Variants in KCNC2 observed in about 807,000 individuals in gnomAD.
KCNC2 encodes potassium voltage-gated channel subfamily C member 2.
Under a neutral mutation model 44.5 loss-of-function variants are expected in KCNC2, and 21 were observed. The observed-to-expected ratio is 0.47, with a 90% CI of 0.33 to 0.68. The LOEUF (loss-of-function observed/expected upper bound fraction) is 0.68, where lower values mean the gene tolerates loss of function less well. Ranked by LOEUF, KCNC2 falls within the 30% of genes least tolerant of loss-of-function variation. KCNC2 has a pLI of 0.01. For missense variants in KCNC2, 589 were observed against 826.2 expected (o/e 0.71, Z 3.52); for synonymous variants, 391 against 339.1 (o/e 1.15, Z -1.68).
chr12:75,119,861 T>C (rs1032899613), intron 2 of KCNC2, among the ~76,000 whole-genome samples: 1 of 152,168 alleles, frequency 6.6e-6, no homozygotes, highest in Non-Finnish European at 1.5e-5. Flanking sequence ...AGTAACTAAA[T>C]ACATGGTAGT....
At chr12:75,196,979 T>C (rs895454878) in intron 2 of KCNC2, among the ~76,000 whole-genome samples, 2 of 152,052 alleles carry the variant, frequency 1.3e-5, no homozygotes, top group Non-Finnish European at 2.9e-5. Context: ...TCTGCAGTTG[T>C]AGCACAATAC....
At chr12:75,120,609 G>A (rs1425580663) in intron 2 of KCNC2, among the ~76,000 whole-genome samples, 1 of 152,158 alleles carries the variant, frequency 6.6e-6, no homozygotes, top group Non-Finnish European at 1.5e-5. Context: ...TCCTGTCCCT[G>A]ACACAGAAGT....
At chr12:75,188,588 G>A (rs1369585351) in intron 2 of KCNC2, among the ~76,000 whole-genome samples, 6 of 131,476 alleles carry the variant, frequency 4.6e-5, no homozygotes, top group African/African-American at 1.8e-4. Context: ...GTGGCCGGGC[G>A]CGGTGGCTTA....
intron 2 of KCNC2, among the ~76,000 whole-genome samples, chr12:75,117,497 T>C (rs1887752674): frequency 1.3e-5 from 2 of 152,188 alleles, no homozygotes; most frequent in South Asian, 4.1e-4. Context: ...AGTCAAAAGC[T>C]ATTTTTCCAC....
chr12:75,123,326 T>A (rs1888172711), intron 2 of KCNC2, among the ~76,000 whole-genome samples: 1 of 152,198 alleles, frequency 6.6e-6, no homozygotes, highest in Non-Finnish European at 1.5e-5. Flanking sequence ...TGAAACCAGT[T>A]CTATTCTTAA....
rs141932065 is a variant in KCNC2 at position 75,076,637 on chromosome 12, A to G, written c.688-25320T>C. Reference sequence around the variant, plus strand: ...TGTCTTTATAATAAATAGTACCATTATTATTAGGTATTGTCAATAAGATGC... The same window carrying G: ...TGTCTTTATAATAAATAGTACCATTGTTATTAGGTATTGTCAATAAGATGC... On this transcript the variant is annotated intron_variant, in intron 2 of 4. Coordinates refer to ENST00000549446, the MANE Select transcript of KCNC2 (RefSeq NM_139137.4). Among the ~76,000 whole-genome samples, 866 of 152,268 alleles carry G rather than the reference A, an allele frequency of 5.7e-3. 5 individuals carry two copies. Among genetic ancestry groups the G allele is most frequent in the African/African-American group, 0.018 (733 of 41,562 alleles).
At position 75,040,928 on chromosome 12, in the gene KCNC2, T is replaced by G. The variant is rs1879823399; in HGVS notation, c.*2177A>C. ...TTTGATGAGAAATGGCCAAGACTGTTGACCCATGCACACATGTTGGTATTT... is the reference window on the plus strand; with the variant it reads ...TTTGATGAGAAATGGCCAAGACTGTGGACCCATGCACACATGTTGGTATTT... On this transcript the variant is annotated 3_prime_UTR_variant, in exon 5 of 5. Transcript: ENST00000549446. 4 of 582,568 alleles carry G rather than the reference T, an allele frequency of 6.9e-6. No homozygotes were observed. Among genetic ancestry groups the G allele is most frequent in the Non-Finnish European group, 1.2e-5 (4 of 326,442 alleles). The allele number at this position is 582,568 out of a possible 1,614,324, so 36.1% of individuals were successfully genotyped here.
At chr12:75,160,652 T>G (rs1188632138) in intron 2 of KCNC2, among the ~76,000 whole-genome samples, 1 of 151,880 alleles carries the variant, frequency 6.6e-6, no homozygotes, top group Non-Finnish European at 1.5e-5. Flanking sequence ...GAAGGCGGTT[T>G]GTTTGAAAAC....
intron 2 of KCNC2, among the ~76,000 whole-genome samples, chr12:75,073,411 T>C (rs1883610198): frequency 1.3e-5 from 2 of 152,196 alleles, no homozygotes; most frequent in Admixed American, 1.3e-4. Context: ...TTCTTTGTAA[T>C]TTTGTATCTT....
At chr12:75,181,180 G>GTT (rs1470108673) in intron 2 of KCNC2, among the ~76,000 whole-genome samples, 4 of 152,064 alleles carry the variant, frequency 2.6e-5, no homozygotes, top group Non-Finnish European at 2.9e-5. Flanking sequence ...ATGCAACTTA[G>GTT]TTAGATTCCA....
At chr12:75,156,204 G>A (rs1280063037) in intron 2 of KCNC2, among the ~76,000 whole-genome samples, 9 of 151,756 alleles carry the variant, frequency 5.9e-5, no homozygotes, top group Admixed American at 5.9e-4. Context: ...CATAGAGCAG[G>A]AGTCAGCAAA....
intron 2 of KCNC2, among the ~76,000 whole-genome samples, chr12:75,179,056 A>T (rs1465062107): frequency 1.3e-5 from 2 of 152,072 alleles, no homozygotes; most frequent in Admixed American, 1.3e-4. Flanking sequence ...AAACAGAAAC[A>T]TACTAAAAGA....
intron 2 of KCNC2, among the ~76,000 whole-genome samples, chr12:75,072,490 A>G (rs992652044): frequency 1.3e-5 from 2 of 152,196 alleles, no homozygotes; most frequent in African/African-American, 4.8e-5. Flanking sequence ...CCTGTCATTA[A>G]ATATTGTGTT....
At chr12:75,201,237 G>T (rs1288516224) in intron 2 of KCNC2, among the ~76,000 whole-genome samples, 2 of 94,006 alleles carry the variant, frequency 2.1e-5, no homozygotes, top group Non-Finnish European at 4.0e-5. Context: ...GGAAAAAAAA[G>T]GGCAGAAAGT....
intron 2 of KCNC2, among the ~76,000 whole-genome samples, chr12:75,170,312 C>T (rs1294074303): frequency 1.3e-5 from 2 of 151,610 alleles, no homozygotes; most frequent in African/African-American, 4.8e-5. Context: ...AGCAGAGTGG[C>T]CCAGACAAAA....
chr12:75,071,937 CAAAAAAAA>C (rs751849483), intron 2 of KCNC2, among the ~76,000 whole-genome samples: 23 of 67,366 alleles, frequency 3.4e-4, no homozygotes, highest in African/African-American at 1.1e-3. Flanking sequence ...GACTCCTTCT[CAAAAAAAA>C]AAAAAAAAAA....
At chr12:75,084,435 G>A (rs1884820440) in intron 2 of KCNC2, among the ~76,000 whole-genome samples, 1 of 151,946 alleles carries the variant, frequency 6.6e-6, no homozygotes, top group Non-Finnish European at 1.5e-5. Context: ...GGACCAGGGG[G>A]AGGTAATTGA....
chr12:75,056,965 TG>T (rs34054615), intron 2 of KCNC2, among the ~76,000 whole-genome samples: 1 of 152,012 alleles, frequency 6.6e-6, no homozygotes, highest in Non-Finnish European at 1.5e-5. Flanking sequence ...TGGTTATAGC[TG>T]GGTGTAAGAG....
chr12:75,084,846 A>G (rs987197702), intron 2 of KCNC2, among the ~76,000 whole-genome samples: 3 of 151,750 alleles, frequency 2.0e-5, no homozygotes, highest in African/African-American at 7.3e-5. Context: ...ATGCTCTAAG[A>G]GAGTTAATGG....
Sources: allele counts gnomAD v4.1 joint callset (sites outside exome capture counted in the v4.1 genomes callset), GRCh38; gene constraint gnomAD v4.1.1; transcripts MANE v1.5; gene names NCBI Gene and HGNC (gene_info 2026-07-23, HGNC 2026-07-21).